The following PRKN variants were observed in gnomAD, a reference collection of about 807,000 sequenced individuals.
PRKN encodes the protein parkin RBR E3 ubiquitin protein ligase.
Under a neutral mutation model 59.5 loss-of-function variants are expected in PRKN, and 56 were observed. The ratio of observed to expected loss-of-function variants is 0.94; its 90% CI spans 0.76 to 1.18. The LOEUF is 1.18. PRKN is among the 50% of genes most tolerant of loss of function. The pLI, the probability that PRKN is intolerant of heterozygous loss-of-function variation, is 0.00. For missense variants in PRKN, 657 were observed against 596.4 expected, an observed-to-expected ratio of 1.10 and a Z score of -1.06; for synonymous variants, 250 against 222.1, an observed-to-expected ratio of 1.13 and a Z score of -1.12.
intron 7 of PRKN, 144 bp downstream of exon 7, chr6:161,785,628 A>T: frequency 1.2e-6 from 1 of 841,850 alleles, no homozygotes; most frequent in Non-Finnish European, 2.0e-6. Flanking sequence ...TTTGCGATCC[A>T]AACATTAATG....
In PRKN at chr6:161,419,858, C is replaced by T. The variant is rs918530738; in HGVS notation, c.1084-32981G>A. Among the ~76,000 whole-genome samples, 1 of 151,896 alleles carries T rather than the reference C, an allele frequency of 6.6e-6. No homozygotes were observed. The highest frequency in any genetic ancestry group is 1.5e-5 in the Non-Finnish European group (1 of 68,010). On this transcript the variant is annotated intron_variant, in intron 9 of 11. Transcript: ENST00000366898. This position sits in a 1 kb window ranked among gnomAD's most constrained non-coding sequence, Gnocchi z 4.1. ...CACTGTGAAAGGGGGAAATTGGTAC[C>T]TACTTGTGGGATTGCTGTAGAGATT...
intron 6 of PRKN, among the ~76,000 whole-genome samples, chr6:161,867,153 T>G (rs933824995): frequency 2.6e-5 from 4 of 152,238 alleles, no homozygotes; most frequent in Admixed American, 2.0e-4. Context: ...CGAGTTGATT[T>G]TGTCTTTCCA....
At chr6:162,203,551 T>C (rs2128331479) in intron 3 of PRKN, among the ~76,000 whole-genome samples, 1 of 152,308 alleles carries the variant, frequency 6.6e-6, no homozygotes, top group South Asian at 2.1e-4. Flanking sequence ...TGTGTCATGC[T>C]GTGACCTGGA....
chr6:162,293,973 C>T (rs1268230024), intron 2 of PRKN, among the ~76,000 whole-genome samples: 2 of 152,094 alleles, frequency 1.3e-5, no homozygotes, highest in African/African-American at 2.4e-5. Flanking sequence ...CCACTATTCC[C>T]GGCTGGGAGA....
intron 3 of PRKN, among the ~76,000 whole-genome samples, chr6:162,223,661 A>ACACAC (rs11452001): frequency 0.021 from 1,249 of 60,774 alleles, 33 homozygotes; most frequent in East Asian, 0.081. Context: ...ACACACACAC[A>ACACAC]AACATAATGC....
intron 6 of PRKN, among the ~76,000 whole-genome samples, chr6:161,791,424 T>G (rs1273214814): frequency 6.6e-6 from 1 of 152,244 alleles, no homozygotes; most frequent in Non-Finnish European, 1.5e-5. Flanking sequence ...TTTTTATGTT[T>G]ATCTAGAAAA....
chr6:161,906,659 C>CATATATATATATATATATAT (rs144796790), intron 6 of PRKN, among the ~76,000 whole-genome samples: 2,638 of 115,302 alleles, frequency 0.023, 167 homozygotes, highest in African/African-American at 0.049. Context: ...ATAGAACATA[C>CATATATATATATATATATAT]ATATATATAT....
chr6:162,660,223 G>A (rs1338415884), intron 1 of PRKN, among the ~76,000 whole-genome samples: 1 of 152,114 alleles, frequency 6.6e-6, no homozygotes, highest in African/African-American at 2.4e-5. Context: ...TTCAAAGCAT[G>A]TCCTCTACTT....
intron 1 of PRKN, among the ~76,000 whole-genome samples, chr6:162,503,169 G>T (rs1287268192): frequency 3.0e-5 from 4 of 133,480 alleles, no homozygotes; most frequent in Non-Finnish European, 4.8e-5. Flanking sequence ...TGTTGGCCGG[G>T]GGGTGTTTTT....
At chr6:162,604,958 T>A (rs1781852237) in intron 1 of PRKN, among the ~76,000 whole-genome samples, 1 of 152,162 alleles carries the variant, frequency 6.6e-6, no homozygotes, top group Non-Finnish European at 1.5e-5. Flanking sequence ...TTACTTAAAA[T>A]TAAGTCATTT....
chr6:162,301,034 A>G (rs1005700995), intron 2 of PRKN, among the ~76,000 whole-genome samples: 2 of 152,118 alleles, frequency 1.3e-5, no homozygotes, highest in African/African-American at 4.8e-5. Flanking sequence ...AAAAAAAGAG[A>G]TAATATATTT....
intron 4 of PRKN, among the ~76,000 whole-genome samples, chr6:162,068,870 C>A (rs1778451995): frequency 6.6e-6 from 1 of 152,094 alleles, no homozygotes; most frequent in African/African-American, 2.4e-5. Context: ...CATGTCTGTC[C>A]ATGCCCCGTT....
Position 161,470,498 on chromosome 6 carries a change from C to T in PRKN, c.1083+78356G>A, listed in dbSNP as rs777253531. ...CACTCTGGATTACCTGAGAAGCACT[C>T]CCAGTCTAACCCTTTGACCCACTCA... On this transcript the variant is annotated intron_variant, in intron 9 of 11. Transcript: ENST00000366898. This position sits in a 1 kb window ranked among gnomAD's most constrained non-coding sequence, Gnocchi z 5.1. Among the ~76,000 whole-genome samples, 11 of 152,176 alleles carry T rather than the reference C, an allele frequency of 7.2e-5. No homozygotes were observed. Among genetic ancestry groups the T allele is most frequent in the Non-Finnish European group, 1.5e-4 (10 of 68,034 alleles).
rs1246068418 is a variant in PRKN at position 162,125,287 on chromosome 6, C to T, written c.535-71113G>A. ...GAATAACTGCATGTGAGTCCACGGG[C>T]GGCACCACACCTCAGAGGGAGAAAC... is the stretch of plus-strand genomic sequence containing the variant. On this transcript the variant is annotated intron_variant, in intron 4 of 11. Transcript: ENST00000366898. 5.3e-5 allele frequency among the ~76,000 whole-genome samples: 8 copies of T among 152,162 alleles called. No individual in the cohort carries two copies. The East Asian group carries it at 5.8e-4, about 11-fold the overall frequency.
chr6:161,478,020 A>G (rs1238785913), intron 9 of PRKN, among the ~76,000 whole-genome samples: 1 of 152,258 alleles, frequency 6.6e-6, no homozygotes, highest in East Asian at 1.9e-4. Flanking sequence ...AACAAGGAGC[A>G]GTTGCAATGT....
At chr6:161,365,685 GA>G (rs1785170527) in intron 10 of PRKN, among the ~76,000 whole-genome samples, 1 of 152,210 alleles carries the variant, frequency 6.6e-6, no homozygotes, top group Non-Finnish European at 1.5e-5. Context: ...ACACAAGGCA[GA>G]GTGGGTATAA....
At chr6:161,717,495 G>A (rs1485785637) in intron 7 of PRKN, among the ~76,000 whole-genome samples, 3 of 152,126 alleles carry the variant, frequency 2.0e-5, no homozygotes, top group Non-Finnish European at 4.4e-5. Flanking sequence ...TTCTGACATC[G>A]CACCAAGGGC....
At chr6:162,046,817 A>C (rs1213428016) in intron 5 of PRKN, among the ~76,000 whole-genome samples, 2 of 152,138 alleles carry the variant, frequency 1.3e-5, no homozygotes, top group Non-Finnish European at 2.9e-5. Context: ...ATGCGTTTTC[A>C]TATACAAACG....
chr6:162,455,738 T>C (rs1409784338), intron 1 of PRKN, among the ~76,000 whole-genome samples: 4 of 152,164 alleles, frequency 2.6e-5, no homozygotes, highest in Admixed American at 1.3e-4. Context: ...AAATGGAATA[T>C]GCAGCTCCAA....
Sources: gnomAD v4.1 joint callset for allele counts (sites outside exome capture counted in the v4.1 genomes callset) on GRCh38, gnomAD v4.1.1 for gene constraint, Gnocchi (gnomAD v3.1) non-coding constraint, MANE v1.5 for transcripts, NCBI Gene and HGNC (gene_info 2026-07-23, HGNC 2026-07-21) for gene names.